The following TCF7L2 variants were observed in gnomAD, a reference collection of about 807,000 sequenced individuals.
TCF7L2 encodes the protein transcription factor 7-like 2.
A neutral mutation model predicts 77.9 loss-of-function variants in TCF7L2; 23 were observed. That is an observed-to-expected ratio of 0.30 (90% CI 0.21 to 0.42). TCF7L2 has a LOEUF of 0.42. Among genes scored for constraint, TCF7L2 ranks in the 10% least tolerant of loss-of-function variants. TCF7L2 has a pLI of 1.00. For synonymous variants in TCF7L2, 413 were observed against 340.2 expected, an observed-to-expected ratio of 1.21 and a Z score of -2.36; for missense variants, 654 against 793.1, an observed-to-expected ratio of 0.82 and a Z score of 2.11.
At chr10:113,135,305 C>T (rs980673313) in intron 5 of TCF7L2, among the ~76,000 whole-genome samples, 3 of 152,174 alleles carry the variant, frequency 2.0e-5, no homozygotes, top group Non-Finnish European at 4.4e-5. Flanking sequence ...CCATTCCCCC[C>T]CACTGTAGTC....
intron 5 of TCF7L2, among the ~76,000 whole-genome samples, chr10:113,101,112 C>G (rs2061587488): frequency 3.9e-5 from 6 of 152,136 alleles, no homozygotes; most frequent in Admixed American, 3.9e-4. Flanking sequence ...CAATGTGTAT[C>G]TTATCCTTCT....
At chr10:113,059,828 G>A (rs1183773238) in intron 5 of TCF7L2, among the ~76,000 whole-genome samples, 1 of 152,204 alleles carries the variant, frequency 6.6e-6, no homozygotes, top group African/African-American at 2.4e-5. Context: ...AAACATGTCA[G>A]TAAGAGATAG....
chr10:112,978,166 A>C (rs1468410757), intron 4 of TCF7L2, among the ~76,000 whole-genome samples: 1 of 152,234 alleles, frequency 6.6e-6, no homozygotes, highest in Non-Finnish European at 1.5e-5. Flanking sequence ...GAAAACAGTT[A>C]AGAGGGATTA....
chr10:112,994,802 T>A (rs886518647), intron 4 of TCF7L2, among the ~76,000 whole-genome samples: 1 of 151,430 alleles, frequency 6.6e-6, no homozygotes, highest in Non-Finnish European at 1.5e-5. Flanking sequence ...AGTGAGACCC[T>A]GTTAAAAAAA....
chr10:113,006,878 A>G (rs1307112295), intron 4 of TCF7L2, among the ~76,000 whole-genome samples: 1 of 152,178 alleles, frequency 6.6e-6, no homozygotes, highest in Non-Finnish European at 1.5e-5. Context: ...CCACGCTGGC[A>G]CTTTCAGCTT....
At chr10:112,979,771 A>AT (rs1353150335) in intron 4 of TCF7L2, among the ~76,000 whole-genome samples, 14 of 151,970 alleles carry the variant, frequency 9.2e-5, no homozygotes, top group Admixed American at 9.2e-4. Context: ...AAAATAAAAA[A>AT]AATAAAAAAA....
At chr10:113,137,197 C>A (rs1235385654) in intron 5 of TCF7L2, among the ~76,000 whole-genome samples, 1 of 152,150 alleles carries the variant, frequency 6.6e-6, no homozygotes, top group East Asian at 1.9e-4. Flanking sequence ...GATCTTGCCC[C>A]ATAAACAAAC....
intron 6 of TCF7L2, among the ~76,000 whole-genome samples, chr10:113,141,734 T>G (rs2068417950): frequency 6.6e-6 from 1 of 152,200 alleles, no homozygotes; most frequent in Non-Finnish European, 1.5e-5. Context: ...ACAGCATGGC[T>G]TTCCAAGCCT....
intron 4 of TCF7L2, among the ~76,000 whole-genome samples, chr10:113,024,334 G>C (rs1337327214): frequency 6.6e-6 from 1 of 151,844 alleles, no homozygotes; most frequent in Non-Finnish European, 1.5e-5. Context: ...CAAACAAAAA[G>C]TCACTTGCTT....
intron 12 of TCF7L2, 74 bp from the exon 14 acceptor site, chr10:113,159,842 CCCCT>C (rs1356458115): frequency 6.7e-4 from 41 of 61,066 alleles, no homozygotes; most frequent in Admixed American, 1.3e-3. Flanking sequence ...CCCCCCCCCC[CCCCT>C]CTTTCTCTCT....
At chr10:113,136,639 C>T (rs776142824) in intron 5 of TCF7L2, among the ~76,000 whole-genome samples, 3 of 152,140 alleles carry the variant, frequency 2.0e-5, no homozygotes, top group African/African-American at 4.8e-5. Flanking sequence ...CCTGGCCTTA[C>T]GTTGAGCTGT....
At chr10:113,144,681 G>A (rs2068999140) in intron 7 of TCF7L2, among the ~76,000 whole-genome samples, 2 of 152,168 alleles carry the variant, frequency 1.3e-5, no homozygotes, top group Non-Finnish European at 2.9e-5. Context: ...AACTGTGAAC[G>A]GTGGGAATGG....
At chr10:112,956,914 A>G (rs1257064015) in intron 3 of TCF7L2, among the ~76,000 whole-genome samples, 2 of 152,134 alleles carry the variant, frequency 1.3e-5, no homozygotes, top group East Asian at 3.9e-4. Context: ...TCCTAATGCA[A>G]ATGCTGCCCT....
chr10:113,089,489 C>A (rs780620089), intron 5 of TCF7L2: 1 of 1,613,834 alleles, frequency 6.2e-7, no homozygotes, highest in South Asian at 1.1e-5. Flanking sequence ...TCTTCAGGGA[C>A]ATGAAAAGGA....
chr10:113,044,152 A>G (rs1440531436), intron 5 of TCF7L2, among the ~76,000 whole-genome samples: 1 of 152,172 alleles, frequency 6.6e-6, no homozygotes, highest in East Asian at 1.9e-4. Context: ...ATAAGAAAGC[A>G]GACTGAATCC....
intron 4 of TCF7L2, among the ~76,000 whole-genome samples, chr10:113,039,669 G>A (rs1266805911): frequency 1.3e-5 from 2 of 151,998 alleles, no homozygotes; most frequent in Non-Finnish European, 2.9e-5. Context: ...TCTTCCTTTG[G>A]AATAGCTCTA....
intron 5 of TCF7L2, among the ~76,000 whole-genome samples, chr10:113,110,124 A>T (rs934010532): frequency 1.3e-5 from 2 of 152,164 alleles, no homozygotes; most frequent in African/African-American, 4.8e-5. Flanking sequence ...TCTTCCTCTG[A>T]ATTTGGGAAG....
chr10:113,141,459 G>C, intron 6 of TCF7L2, 143 bp downstream of exon 6: 2 of 1,234,138 alleles, frequency 1.6e-6, no homozygotes, highest in Non-Finnish European at 2.2e-6. Flanking sequence ...TTGCTTTTCT[G>C]GGTGTTGAAA....
intron 5 of TCF7L2, among the ~76,000 whole-genome samples, chr10:113,060,356 A>C (rs947847665): frequency 6.6e-6 from 1 of 152,176 alleles, no homozygotes; most frequent in African/African-American, 2.4e-5. Context: ...CTCAACTGGT[A>C]ATTATGTCCT....
Sources: allele counts gnomAD v4.1 joint callset (sites outside exome capture counted in the v4.1 genomes callset), GRCh38; gene constraint gnomAD v4.1.1; transcripts MANE v1.5; gene names NCBI Gene and HGNC (gene_info 2026-07-23, HGNC 2026-07-21).